NSUN3: variants seen among roughly 807,000 people sequenced by gnomAD.
NSUN3 encodes the protein NOP2/Sun RNA methyltransferase 3, also known as tRNA (cytosine(34)-C(5))-methyltransferase, mitochondrial.
Under a neutral mutation model 36.8 loss-of-function variants are expected in NSUN3, and 24 were observed. The observed-to-expected ratio is 0.65, with a 90% CI of 0.47 to 0.92. The LOEUF is 0.92. NSUN3 is among the 40% of genes least tolerant of loss of function. The pLI, the probability that NSUN3 is intolerant of heterozygous loss-of-function variation, is 0.00. For missense variants in NSUN3, 381 were observed against 392.8 expected (o/e 0.97, Z 0.25); for synonymous variants, 146 against 145.2 (o/e 1.01, Z -0.04).
intron 5 of NSUN3, among the ~76,000 whole-genome samples, chr3:94,113,852 A>G (rs957806011): frequency 3.9e-5 from 6 of 152,218 alleles, no homozygotes; most frequent in African/African-American, 1.2e-4. Context: ...ATGAAGGACT[A>G]ACTACTTTTG....
chr3:94,072,487 A>T (rs2077228010), intron 2 of NSUN3, among the ~76,000 whole-genome samples: 1 of 152,216 alleles, frequency 6.6e-6, no homozygotes, highest in South Asian at 2.1e-4. Context: ...TAATAATGAT[A>T]TCAGAGTATG....
intron 5 of NSUN3, among the ~76,000 whole-genome samples, chr3:94,108,275 A>G (rs528770387): frequency 1.8e-4 from 28 of 152,302 alleles, no homozygotes; most frequent in Non-Finnish European, 3.2e-4. Context: ...GTTAGTTTCA[A>G]TTAAATATAT....
intron 5 of NSUN3, among the ~76,000 whole-genome samples, chr3:94,119,237 C>T (rs2107272434): frequency 6.6e-6 from 1 of 152,244 alleles, no homozygotes; most frequent in East Asian, 1.9e-4. Flanking sequence ...GATTGGAAAA[C>T]AAAGACCAGA....
chr3:94,102,202 T>TAAAAAAAAAGAAAAAAA (rs2077368596), intron 5 of NSUN3, among the ~76,000 whole-genome samples: 1 of 101,588 alleles, frequency 9.8e-6, no homozygotes, highest in African/African-American at 3.8e-5. Context: ...AAAGAAACGT[T>TAAAAAAAAAGAAAAAAA]AAAAAAAAAA....
chr3:94,091,327 CA>C (rs1468209930), intron 3 of NSUN3, among the ~76,000 whole-genome samples: 3 of 151,576 alleles, frequency 2.0e-5, no homozygotes, highest in Non-Finnish European at 4.4e-5. Context: ...TCCTGAAGAG[CA>C]AAAGCAAAAT....
intron 2 of NSUN3, among the ~76,000 whole-genome samples, chr3:94,067,216 GT>G (rs1295330692): frequency 9.9e-5 from 15 of 152,212 alleles, no homozygotes; most frequent in African/African-American, 3.4e-4. Context: ...TGTGCATACT[GT>G]CATACATTAC....
Position 94,107,146 on chromosome 3 carries a change from G to T in NSUN3, c.743+11992G>T, listed in dbSNP as rs190725966. ...AGGTTTTGCCATGTTGCTCAGGCTGGTCTCAAACTCCTGGGCTCAAGCGAT... is the reference window on the plus strand; with the variant it reads ...AGGTTTTGCCATGTTGCTCAGGCTGTTCTCAAACTCCTGGGCTCAAGCGAT... On this transcript the variant is annotated intron_variant, in intron 5 of 5. Transcript: ENST00000314622. Among the ~76,000 whole-genome samples the T allele has an allele frequency of 1.2e-3, 180 of 152,268 alleles. 2 individuals carry two copies. Among genetic ancestry groups the T allele is most frequent in the Admixed American group, 0.012 (178 of 15,298 alleles).
chr3:94,107,230 C>T (rs149953483), intron 5 of NSUN3, among the ~76,000 whole-genome samples: 30 of 152,152 alleles, frequency 2.0e-4, no homozygotes, highest in African/African-American at 6.5e-4. Flanking sequence ...TGTGCCTGGC[C>T]TAATTAAAAT....
At chr3:94,098,858 T>C (rs2077353692) in intron 5 of NSUN3, among the ~76,000 whole-genome samples, 1 of 152,184 alleles carries the variant, frequency 6.6e-6, no homozygotes, top group Non-Finnish European at 1.5e-5. Flanking sequence ...GATATTGTCC[T>C]CATGTCCTTA....
At chr3:94,114,473 G>C (rs1343993815) in intron 5 of NSUN3, among the ~76,000 whole-genome samples, 2 of 152,120 alleles carry the variant, frequency 1.3e-5, no homozygotes, top group Non-Finnish European at 2.9e-5. Context: ...GTAAACATAA[G>C]GTAGTATTAA....
intron 2 of NSUN3, among the ~76,000 whole-genome samples, chr3:94,068,370 G>A (rs2077213351): frequency 1.3e-5 from 2 of 152,068 alleles, no homozygotes; most frequent in South Asian, 4.1e-4. Flanking sequence ...TAGAGCTATT[G>A]TGATTCTTTC....
chr3:94,116,428 G>T (rs1193586961), intron 5 of NSUN3, among the ~76,000 whole-genome samples: 2 of 152,156 alleles, frequency 1.3e-5, no homozygotes, highest in Middle Eastern at 3.2e-3. Context: ...TTTTGAGGGA[G>T]TGAGAGAAGG....
intron 5 of NSUN3, among the ~76,000 whole-genome samples, chr3:94,109,007 G>A (rs537473199): frequency 7.6e-4 from 116 of 152,268 alleles, no homozygotes; most frequent in African/African-American, 2.7e-3. Flanking sequence ...TATAGTTTCC[G>A]GTTGTGCTGT....
chr3:94,083,758 C>CAA (rs561794871), intron 2 of NSUN3, among the ~76,000 whole-genome samples: 31 of 152,100 alleles, frequency 2.0e-4, no homozygotes, highest in Non-Finnish European at 2.2e-4. Flanking sequence ...GTTTTCCTTT[C>CAA]AATTTAGTTC....
At chr3:94,115,305 A>T (rs73158003) in intron 5 of NSUN3, among the ~76,000 whole-genome samples, 15,451 of 152,146 alleles carry the variant, frequency 0.1, 819 homozygotes, top group Middle Eastern at 0.19. Flanking sequence ...ACTTGGTTTT[A>T]AAAAATGTAT....
At chr3:94,099,935 G>A (rs986472056) in intron 5 of NSUN3, among the ~76,000 whole-genome samples, 9 of 151,730 alleles carry the variant, frequency 5.9e-5, no homozygotes, top group Non-Finnish European at 8.8e-5. Flanking sequence ...ATTACCTTTC[G>A]TTAACAAAAG....
rs543477091 is a variant in NSUN3, at chr3:94,081,094, G to A, written c.123-3013G>A. Among the ~76,000 whole-genome samples, 344 of 152,296 alleles carry A rather than the reference G, an allele frequency of 2.3e-3. 1 individual carries two copies. The highest frequency in any genetic ancestry group is 7.1e-3 in the African/African-American group (294 of 41,566). On this transcript the variant is annotated intron_variant, in intron 2 of 5. Transcript: ENST00000314622. The stretch of plus-strand genomic sequence containing the variant: ...AGGTTGCATAGACCATGGGGAAAGC[G>A]TGGTATCTGGGCTGGAGTGCATGGT...
chr3:94,095,553 G>A (rs1267895024), intron 5 of NSUN3, among the ~76,000 whole-genome samples: 1 of 152,138 alleles, frequency 6.6e-6, no homozygotes, highest in African/African-American at 2.4e-5. Flanking sequence ...TCAGCCCCTA[G>A]CAAGTTGTAG....
At chr3:94,116,008 GGTTTT>G (rs138660032) in intron 5 of NSUN3, among the ~76,000 whole-genome samples, 2 of 151,984 alleles carry the variant, frequency 1.3e-5, no homozygotes, top group Admixed American at 6.6e-5. Flanking sequence ...AGACATTTTA[GGTTTT>G]GTTTTGTTTT....
Sources: allele counts gnomAD v4.1 joint callset (sites outside exome capture counted in the v4.1 genomes callset), GRCh38; gene constraint gnomAD v4.1.1; transcripts MANE v1.5; gene names NCBI Gene and HGNC (gene_info 2026-07-23, HGNC 2026-07-21).